ELMO1: variants seen among roughly 807,000 people sequenced by gnomAD.
ELMO1 encodes the protein engulfment and cell motility 1, also known as engulfment and cell motility protein 1.
ELMO1 carries 26 observed loss-of-function variants against 98.9 expected under a neutral mutation model. The ratio of observed to expected loss-of-function variants is 0.26; its 90% CI spans 0.19 to 0.36. The LOEUF (loss-of-function observed/expected upper bound fraction) is 0.36, where lower values mean the gene tolerates loss of function less well. ELMO1 is among the 10% of genes least tolerant of loss of function. The pLI is 1.00. For synonymous variants in ELMO1, 346 were observed against 346.0 expected, an observed-to-expected ratio of 1.00 and a Z score of 0.00; for missense variants, 627 against 935.2, an observed-to-expected ratio of 0.67 and a Z score of 4.30.
intron 16 of ELMO1, among the ~76,000 whole-genome samples, chr7:36,993,218 G>T (rs1791986326): frequency 6.6e-6 from 1 of 152,190 alleles, no homozygotes; most frequent in Admixed American, 6.5e-5. Flanking sequence ...TGGAACCACA[G>T]GGGGAGGGTA....
At chr7:37,011,359 T>A (rs769127239) in intron 16 of ELMO1, among the ~76,000 whole-genome samples, 4 of 152,122 alleles carry the variant, frequency 2.6e-5, no homozygotes, top group Non-Finnish European at 5.9e-5. Flanking sequence ...ACCTCCTCCA[T>A]CCTGGGGCCT....
intron 17 of ELMO1, among the ~76,000 whole-genome samples, chr7:36,890,647 T>C (rs1805472805): frequency 6.6e-6 from 1 of 152,208 alleles, no homozygotes; most frequent in Admixed American, 6.5e-5. Flanking sequence ...CAGTACACTA[T>C]AATCATTTCT....
chr7:37,062,551 T>C (rs1796721688), intron 15 of ELMO1, among the ~76,000 whole-genome samples: 1 of 152,098 alleles, frequency 6.6e-6, no homozygotes, highest in South Asian at 2.1e-4. Context: ...TGAAATTAAA[T>C]CCTCTTTCTC....
intron 2 of ELMO1, among the ~76,000 whole-genome samples, chr7:37,323,223 A>G (rs1202564779): frequency 6.6e-6 from 1 of 152,220 alleles, no homozygotes; most frequent in Non-Finnish European, 1.5e-5. Flanking sequence ...TGACTGGCAA[A>G]GTACCAGGTG....
At chr7:37,134,000 A>G (rs1368686213) in intron 13 of ELMO1, among the ~76,000 whole-genome samples, 1 of 152,258 alleles carries the variant, frequency 6.6e-6, no homozygotes, top group Non-Finnish European at 1.5e-5. Context: ...CAAATGGACA[A>G]CAAGCATATG....
At chr7:36,960,848 T>C (rs1414727815) in intron 16 of ELMO1, among the ~76,000 whole-genome samples, 3 of 152,116 alleles carry the variant, frequency 2.0e-5, no homozygotes, top group Non-Finnish European at 2.9e-5. Flanking sequence ...ACCAATCCAC[T>C]GGGCCCTATG....
intron 15 of ELMO1, among the ~76,000 whole-genome samples, chr7:37,027,608 T>G (rs186377848): frequency 2.0e-5 from 3 of 152,312 alleles, no homozygotes; most frequent in East Asian, 3.9e-4. Context: ...TAGAGTTAAA[T>G]ATTTTAATAT....
chr7:37,007,252 C>T (rs947756906), intron 16 of ELMO1, among the ~76,000 whole-genome samples: 1 of 152,152 alleles, frequency 6.6e-6, no homozygotes, highest in East Asian at 1.9e-4. Flanking sequence ...GACATTAGGG[C>T]TCTTTAAAAG....
At position 36,905,314 on chromosome 7, in the gene ELMO1, G is replaced by A. The variant is rs947404614; in HGVS notation, c.1438-10297C>T. Among the ~76,000 whole-genome samples the A allele has an allele frequency of 2.0e-5, 3 of 152,228 alleles. 1 individual carries two copies. In the Middle Eastern group the frequency reaches 0.01, roughly 518 times the overall value. ...AAGGAATGACCCTCCCATATGGAAG[G>A]TCTCCTAAACTACATGGAGTAACTC... On this transcript the variant is annotated intron_variant, in intron 16 of 21. Coordinates refer to ENST00000310758, the MANE Select transcript of ELMO1 (RefSeq NM_014800.11).
intron 1 of ELMO1, among the ~76,000 whole-genome samples, chr7:37,425,410 T>A (rs1583739875): frequency 6.6e-6 from 1 of 152,194 alleles, no homozygotes; most frequent in African/African-American, 2.4e-5. Context: ...AACATAAGAA[T>A]TTGGAGGCGT....
intron 16 of ELMO1, among the ~76,000 whole-genome samples, chr7:36,949,149 C>G (rs1787759916): frequency 2.0e-5 from 3 of 151,938 alleles, no homozygotes; most frequent in Non-Finnish European, 2.9e-5. Flanking sequence ...AGCCACCATG[C>G]CTGGCCTGCT....
intron 16 of ELMO1, among the ~76,000 whole-genome samples, chr7:37,009,847 C>T (rs2129170206): frequency 6.6e-6 from 1 of 152,292 alleles, no homozygotes; most frequent in African/African-American, 2.4e-5. Context: ...AAGAAAAAAA[C>T]ATTAAATCTA....
intron 15 of ELMO1, among the ~76,000 whole-genome samples, chr7:37,082,541 CA>C (rs201421815): frequency 6.7e-6 from 1 of 149,872 alleles, no homozygotes; most frequent in Admixed American, 6.6e-5. Context: ...CTGTCTCTAC[CA>C]AAAAAAAATT....
intron 1 of ELMO1, among the ~76,000 whole-genome samples, chr7:37,357,533 A>G (rs1801539132): frequency 6.6e-6 from 1 of 152,226 alleles, no homozygotes; most frequent in South Asian, 2.1e-4. Flanking sequence ...AATGTTTCTC[A>G]GGAAAGATGC....
chr7:37,050,421 T>G (rs1489667582), intron 15 of ELMO1, among the ~76,000 whole-genome samples: 1 of 152,128 alleles, frequency 6.6e-6, no homozygotes, highest in Admixed American at 6.5e-5. Context: ...TTCTTAATAG[T>G]GCAAATCATA....
chr7:37,274,770 C>G (rs1194194351), intron 4 of ELMO1, among the ~76,000 whole-genome samples: 3 of 152,104 alleles, frequency 2.0e-5, no homozygotes, highest in Non-Finnish European at 4.4e-5. Context: ...CCAGGCTGGT[C>G]TCAAACTCCT....
chr7:37,216,546 G>A, intron 11 of ELMO1, 99 bp downstream of exon 11: 1 of 1,376,562 alleles, frequency 7.3e-7, no homozygotes, highest in South Asian at 1.2e-5. Flanking sequence ...ACAGAAGGAA[G>A]TCACAGAACA....
At chr7:37,012,267 T>C (rs577774128) in intron 16 of ELMO1, among the ~76,000 whole-genome samples, 1 of 152,190 alleles carries the variant, frequency 6.6e-6, no homozygotes, top group Admixed American at 6.5e-5. Flanking sequence ...ATGAGAAATA[T>C]AGTGGGAAAC....
intron 13 of ELMO1, among the ~76,000 whole-genome samples, chr7:37,201,857 A>G (rs1792317256): frequency 6.6e-6 from 1 of 152,258 alleles, no homozygotes; most frequent in Non-Finnish European, 1.5e-5. Flanking sequence ...TGAGGTCTGC[A>G]GCATTTCAGA....
Sources: allele counts gnomAD v4.1 joint callset (sites outside exome capture counted in the v4.1 genomes callset), GRCh38; gene constraint gnomAD v4.1.1; transcripts MANE v1.5; gene names NCBI Gene and HGNC (gene_info 2026-07-23, HGNC 2026-07-21).